Variants in HGD observed in about 807,000 individuals in gnomAD.
HGD encodes homogentisate oxidase.
In HGD, 61 loss-of-function variants were observed where a neutral mutation model predicts 60.8. The observed-to-expected ratio is 1.00, with a 90% CI of 0.82 to 1.24. HGD has a LOEUF of 1.24. HGD is among the 50% of genes most tolerant of loss of function. HGD has a pLI of 0.00. For synonymous variants in HGD, 212 were observed against 187.7 expected, an observed-to-expected ratio of 1.13 and a Z score of -1.06; for missense variants, 542 against 547.1, an observed-to-expected ratio of 0.99 and a Z score of 0.09.
At chr3:120,653,610 G>T (rs1036890676) in intron 4 of HGD, among the ~76,000 whole-genome samples, 3 of 152,220 alleles carry the variant, frequency 2.0e-5, no homozygotes, top group African/African-American at 7.2e-5. Flanking sequence ...TCAGGCAGCA[G>T]CCTTCATTTC....
intron 10 of HGD, among the ~76,000 whole-genome samples, chr3:120,643,049 T>C (rs1941038683): frequency 6.6e-6 from 1 of 152,232 alleles, no homozygotes; most frequent in African/African-American, 2.4e-5. Context: ...CTGGGGAACA[T>C]GCTTAAAATG....
In HGD at chr3:120,678,443, T is replaced by C. The variant is rs558804647; in HGVS notation, c.16-2580A>G. On this transcript the variant is annotated intron_variant, in intron 1 of 13. Transcript: ENST00000283871. ...GGAAGGCTGGAGTACAGCTGAGCTTTCTGGCAGGCACTGGTGGAGTTACTC... is the reference window on the plus strand; with the variant it reads ...GGAAGGCTGGAGTACAGCTGAGCTTCCTGGCAGGCACTGGTGGAGTTACTC... Among the ~76,000 whole-genome samples, 3 of 152,364 alleles carry C rather than the reference T, an allele frequency of 2.0e-5. No homozygotes were observed. The East Asian group carries it at 5.8e-4, about 29-fold the overall frequency.
chr3:120,642,324 C>A (rs940383397), intron 10 of HGD, among the ~76,000 whole-genome samples: 3 of 152,158 alleles, frequency 2.0e-5, no homozygotes, highest in Admixed American at 6.5e-5. Context: ...AGGCGCTACT[C>A]ATAGAGGCGT....
intron 4 of HGD, among the ~76,000 whole-genome samples, chr3:120,655,049 T>C (rs35447032): frequency 0.83 from 126,385 of 152,102 alleles, 53,713 homozygotes; most frequent in East Asian, 0.98. Flanking sequence ...CCAGCTTGGG[T>C]GACAGAGTGA....
chr3:120,667,326 CAAAAAAAAAAA>C (rs71133514), intron 4 of HGD, among the ~76,000 whole-genome samples: 1 of 60,046 alleles, frequency 1.7e-5, no homozygotes, highest in African/African-American at 7.1e-5. Flanking sequence ...ACTCTTGTCT[CAAAAAAAAAAA>C]AAAAAAAAAA....
At chr3:120,628,651 G>A in intron 13 of HGD, 122 bp from the exon 14 acceptor site, 2 of 1,166,658 alleles carry the variant, frequency 1.7e-6, no homozygotes, top group East Asian at 2.4e-5. Flanking sequence ...AAAGATTTGT[G>A]TGCTAGAGTG....
At chr3:120,655,693 T>G (rs1344468181) in intron 4 of HGD, among the ~76,000 whole-genome samples, 1 of 152,232 alleles carries the variant, frequency 6.6e-6, no homozygotes, top group Admixed American at 6.5e-5. Context: ...TAAAGCCAGC[T>G]GCAGCTTTAT....
At chr3:120,643,805 C>T (rs1941071457) in intron 10 of HGD, among the ~76,000 whole-genome samples, 1 of 152,032 alleles carries the variant, frequency 6.6e-6, no homozygotes, top group African/African-American at 2.4e-5. Flanking sequence ...ATATCTGTGC[C>T]TTTGCTTGTG....
intron 10 of HGD, 200 bp from the exon 11 acceptor site, chr3:120,641,893 A>AT (rs1207031716): frequency 5.1e-6 from 3 of 588,288 alleles, no homozygotes; most frequent in Non-Finnish European, 9.2e-6. Context: ...CACTAACCCT[A>AT]TTTTTCTGGT....
chr3:120,669,923 T>C (rs3819373), intron 4 of HGD, among the ~76,000 whole-genome samples: 56,133 of 151,822 alleles, frequency 0.37, 10,604 homozygotes, highest in African/African-American at 0.41. Flanking sequence ...TTTGTCTGTG[T>C]CTCACCCAAA....
Position 120,650,801 on chromosome 3 carries a change from A to C in HGD, c.407T>G (p.Phe136Cys). 1 of 1,613,756 alleles carries C rather than the reference A, an allele frequency of 6.2e-7. No homozygotes were observed. The highest frequency in any genetic ancestry group is 8.5e-7 in the Non-Finnish European group (1 of 1,179,598). ...KSNNGLAIHI[F>C]LCNTSMENRC... ...GTTCTCCATGGAGGTATTGCAGAGG[A>C]AAATGTGGATAGCAAGCCCATTGTT... Residue 136 changes from phenylalanine (F) to cysteine (C), a missense_variant, in exon 6 of 14, where the codon TTC becomes TGC. Transcript: ENST00000283871.
intron 3 of HGD, among the ~76,000 whole-genome samples, chr3:120,673,453 T>C (rs1382782912): frequency 1.3e-5 from 2 of 152,114 alleles, no homozygotes; most frequent in African/African-American, 4.8e-5. Context: ...CAGGTTGTCA[T>C]AAATTAGAAT....
intron 6 of HGD, 25 bp from the exon 7 acceptor site, chr3:120,647,936 T>A: frequency 6.3e-7 from 1 of 1,582,682 alleles, no homozygotes; most frequent in Non-Finnish European, 8.7e-7. Flanking sequence ...GTAATTCTTG[T>A]GATTTTCAGT....
At chr3:120,649,888 C>T (rs1371712099) in intron 6 of HGD, among the ~76,000 whole-genome samples, 1 of 152,100 alleles carries the variant, frequency 6.6e-6, no homozygotes, top group East Asian at 1.9e-4. Flanking sequence ...TGGTGAAACA[C>T]TGTGGAGTCC....
chr3:120,673,493 C>T (rs1022855692), intron 3 of HGD, among the ~76,000 whole-genome samples: 1 of 146,072 alleles, frequency 6.8e-6, no homozygotes, highest in African/African-American at 2.7e-5. Flanking sequence ...CTTATCTTAC[C>T]CTATTTGGGC....
intron 4 of HGD, among the ~76,000 whole-genome samples, chr3:120,669,875 A>G (rs1707986190): frequency 6.6e-6 from 1 of 152,226 alleles, no homozygotes; most frequent in South Asian, 2.1e-4. Context: ...GTATATACAT[A>G]ATCAATCCAT....
chr3:120,680,349 C>T (rs1708209859), intron 1 of HGD, among the ~76,000 whole-genome samples: 1 of 152,094 alleles, frequency 6.6e-6, no homozygotes, highest in South Asian at 2.1e-4. Flanking sequence ...ATCTGGTTTT[C>T]TGTGTTCAGA....
At chr3:120,644,989 C>T (rs931017957) in intron 9 of HGD, among the ~76,000 whole-genome samples, 3 of 152,148 alleles carry the variant, frequency 2.0e-5, no homozygotes, top group Admixed American at 6.5e-5. Flanking sequence ...GCCTGCTTAC[C>T]TTTGCTTAGG....
chr3:120,667,952 G>T (rs962238685), intron 4 of HGD, among the ~76,000 whole-genome samples: 1 of 152,148 alleles, frequency 6.6e-6, no homozygotes, highest in Non-Finnish European at 1.5e-5. Context: ...GGGTCCCCAG[G>T]TTGGTTGTGC....
Sources: allele counts gnomAD v4.1 joint callset (sites outside exome capture counted in the v4.1 genomes callset), GRCh38; gene constraint gnomAD v4.1.1; transcripts MANE v1.5; gene names NCBI Gene and HGNC (gene_info 2026-07-23, HGNC 2026-07-21).